The following PADI6 variants were observed in gnomAD, a reference collection of about 807,000 sequenced individuals.
PADI6 encodes the protein inactive protein-arginine deiminase type-6.
In PADI6, 66 loss-of-function variants were observed where a neutral mutation model predicts 78.2. The ratio of observed to expected loss-of-function variants is 0.84; its 90% CI spans 0.69 to 1.04. The LOEUF (loss-of-function observed/expected upper bound fraction) is 1.04. PADI6 is among the 50% of genes least tolerant of loss of function. The pLI is 0.00. For missense variants in PADI6, 854 were observed against 866.1 expected, an observed-to-expected ratio of 0.99 and a Z score of 0.18; for synonymous variants, 397 against 346.9, an observed-to-expected ratio of 1.14 and a Z score of -1.60.
At chr1:17,398,268 A>G (rs1165141284) in intron 14 of PADI6, among the ~76,000 whole-genome samples, 1 of 152,190 alleles carries the variant, frequency 6.6e-6, no homozygotes, top group Non-Finnish European at 1.5e-5. Flanking sequence ...GGGCTGAGAC[A>G]GCATCTCCCA....
At chr1:17,389,647 T>C (rs145987248) in intron 8 of PADI6, among the ~76,000 whole-genome samples, 1 of 152,192 alleles carries the variant, frequency 6.6e-6, no homozygotes, top group Non-Finnish European at 1.5e-5. Flanking sequence ...TCTCTAGCTA[T>C]GTAGCCACAT....
intron 6 of PADI6, among the ~76,000 whole-genome samples, chr1:17,387,459 G>GT (rs1553153216): frequency 2.8e-5 from 3 of 107,502 alleles, no homozygotes; most frequent in Non-Finnish European, 6.0e-5. Flanking sequence ...AAGAAAAGGA[G>GT]GGGGGGGGGC....
At chr1:17,384,410 A>C (rs769377222) in intron 6 of PADI6, among the ~76,000 whole-genome samples, 10 of 152,274 alleles carry the variant, frequency 6.6e-5, no homozygotes, top group Admixed American at 6.5e-5. Flanking sequence ...CCTTGGCAAC[A>C]CAGTGAGACC....
Position 17,401,623 on chromosome 1 carries a change from A to T in PADI6, c.*185A>T, listed in dbSNP as rs2526830. On this transcript the variant is annotated 3_prime_UTR_variant, in exon 16 of 16. Transcript: ENST00000619609. ...GCAAATGCCGCCAGCTTGAACCCCT[A>T]TGGGGAAAAGATGCAAAAGTGTTCA... The T allele has an allele frequency of 2.5e-5, 15 of 611,822 alleles. No individual in the cohort carries two copies. The African/African-American group carries it at 2.8e-4, about 11-fold the overall frequency. 37.9% of individuals were successfully genotyped at this position (611,822 alleles called of 1,614,324 possible).
chr1:17,386,467 A>AC (rs1484910364), intron 6 of PADI6, among the ~76,000 whole-genome samples: 2 of 152,216 alleles, frequency 1.3e-5, no homozygotes, highest in Non-Finnish European at 2.9e-5. Context: ...GGTCCCCAGA[A>AC]CAGGAGCAGG....
At chr1:17,389,639 T>G (rs1197711419) in intron 8 of PADI6, among the ~76,000 whole-genome samples, 1 of 152,182 alleles carries the variant, frequency 6.6e-6, no homozygotes, top group Non-Finnish European at 1.5e-5. Context: ...AGGAGCAGTC[T>G]CTAGCTATGT....
chr1:17,377,706 G>A (rs2075032891), intron 3 of PADI6, among the ~76,000 whole-genome samples: 1 of 152,150 alleles, frequency 6.6e-6, no homozygotes, highest in Non-Finnish European at 1.5e-5. Flanking sequence ...CGTTTCGCCA[G>A]AATCCAGCAA....
intron 6 of PADI6, among the ~76,000 whole-genome samples, chr1:17,382,771 C>G (rs1034669498): frequency 1.3e-5 from 2 of 152,192 alleles, no homozygotes; most frequent in Non-Finnish European, 2.9e-5. Flanking sequence ...TGCCAGCATG[C>G]TTTCTTTGGG....
At chr1:17,378,900 C>T (rs958823930) in intron 3 of PADI6, among the ~76,000 whole-genome samples, 1 of 150,092 alleles carries the variant, frequency 6.7e-6, no homozygotes, top group African/African-American at 2.5e-5. Flanking sequence ...CCACCATGCC[C>T]AGCTAATCCT....
Position 17,373,237 on chromosome 1 carries a change from A to C in PADI6, c.294+4A>C. 1 of 1,613,484 alleles carries C rather than the reference A, an allele frequency of 6.2e-7. No individual in the cohort carries two copies. Among genetic ancestry groups the C allele is most frequent in the Non-Finnish European group, 8.5e-7 (1 of 1,179,512 alleles). ...CCCTTCCGTGGATGCGGATAAGGTA[A>C]GCCTCAGGGGAAGAGGTGAGGGGCA... On this transcript the variant is annotated splice_donor_region_variant and intron_variant, in intron 2 of 15. Transcript: ENST00000619609.
rs111961490 is a variant in PADI6 at position 17,380,707 on chromosome 1, A to T, written c.436-340A>T. On this transcript the variant is annotated intron_variant, in intron 4 of 15. Coordinates refer to ENST00000619609, the MANE Select transcript of PADI6 (RefSeq NM_207421.4). ...CAGAATGTCTGGCAACTCTAGGCTC[A>T]TGTCCTACCCTGGTTGTGGAGTCTC... Among the ~76,000 whole-genome samples the T allele has an allele frequency of 5.6e-3, 850 of 152,172 alleles. 7 individuals are homozygous for T. The highest frequency in any genetic ancestry group is 0.019 in the African/African-American group (794 of 41,514).
At chr1:17,396,456 T>C (rs56384645) in intron 13 of PADI6, among the ~76,000 whole-genome samples, 57,083 of 151,920 alleles carry the variant, frequency 0.38, 10,882 homozygotes, top group African/African-American at 0.4. Flanking sequence ...CCCTCAATAC[T>C]CAAAGTGTTA....
At chr1:17,376,390 C>T (rs903543443) in intron 3 of PADI6, among the ~76,000 whole-genome samples, 4 of 151,976 alleles carry the variant, frequency 2.6e-5, no homozygotes, top group African/African-American at 4.8e-5. Context: ...CATTCCACCT[C>T]CCAGGTTCAC....
chr1:17,395,296 C>T (rs564792108), intron 12 of PADI6, among the ~76,000 whole-genome samples, 189 bp downstream of exon 12: 257 of 151,954 alleles, frequency 1.7e-3, no homozygotes, highest in African/African-American at 5.8e-3. Flanking sequence ...CACTGCCTCC[C>T]GGACTCAAGC....
At chr1:17,400,492 A>G (rs1443955756) in intron 15 of PADI6, among the ~76,000 whole-genome samples, 1 of 151,852 alleles carries the variant, frequency 6.6e-6, no homozygotes, top group Admixed American at 6.6e-5. Context: ...GGGCAACAAG[A>G]GCAAAACTGT....
At chr1:17,393,181 C>CT (rs1387808784) in intron 9 of PADI6, among the ~76,000 whole-genome samples, 3 of 151,820 alleles carry the variant, frequency 2.0e-5, no homozygotes, top group South Asian at 2.1e-4. Context: ...GCTTGGAGGT[C>CT]TTGAAGAAGG....
chr1:17,385,119 G>A (rs1237509273), intron 6 of PADI6, among the ~76,000 whole-genome samples: 1 of 152,202 alleles, frequency 6.6e-6, no homozygotes, highest in African/African-American at 2.4e-5. Flanking sequence ...CAGCACTTTG[G>A]GAGGCCAAGG....
intron 3 of PADI6, among the ~76,000 whole-genome samples, 185 bp from the exon 4 acceptor site, chr1:17,379,735 T>C (rs1011044343): frequency 6.6e-6 from 1 of 152,180 alleles, no homozygotes; most frequent in Admixed American, 6.5e-5. Flanking sequence ...TACTTGGGCC[T>C]CTCCAGGCTT....
At chr1:17,378,666 G>A (rs1477797612) in intron 3 of PADI6, among the ~76,000 whole-genome samples, 1 of 151,084 alleles carries the variant, frequency 6.6e-6, no homozygotes, top group African/African-American at 2.4e-5. Flanking sequence ...GTGGAGTGGT[G>A]CGATCTCTGC....
Sources: allele counts gnomAD v4.1 joint callset (sites outside exome capture counted in the v4.1 genomes callset), GRCh38; gene constraint gnomAD v4.1.1; transcripts MANE v1.5; gene names NCBI Gene and HGNC (gene_info 2026-07-23, HGNC 2026-07-21).